SH3TC1: variants seen among roughly 807,000 people sequenced by gnomAD.
SH3TC1 encodes SH3 domain and tetratricopeptide repeat-containing protein 1.
In SH3TC1, 135 loss-of-function variants were observed where a neutral mutation model predicts 117.3. The ratio of observed to expected loss-of-function variants is 1.15; its 90% CI spans 1.00 to 1.33. The LOEUF (loss-of-function observed/expected upper bound fraction) is 1.33, where lower values mean the gene tolerates loss of function less well. Ranked by LOEUF, SH3TC1 falls within the 40% of genes most tolerant of loss-of-function variation. The probability of loss-of-function intolerance (pLI) is 0.00; values close to 1 mark genes in which losing one functional copy is unlikely to be tolerated. For synonymous variants in SH3TC1, 898 were observed against 816.9 expected, an observed-to-expected ratio of 1.10 and a Z score of -1.69; for missense variants, 2,092 against 1,794.3, an observed-to-expected ratio of 1.17 and a Z score of -3.00.
upstream of SH3TC1, among the ~76,000 whole-genome samples, chr4:8,194,300 G>C (rs945092713): frequency 2.6e-5 from 4 of 152,362 alleles, no homozygotes; most frequent in Admixed American, 6.5e-5. Context: ...CACAGGAACA[G>C]ATTTGGTAGC....
intron 5 of SH3TC1, 38 bp downstream of exon 5, chr4:8,214,618 G>C (rs181814721): frequency 1.3e-6 from 2 of 1,546,226 alleles, no homozygotes; most frequent in Non-Finnish European, 1.8e-6. Context: ...TCATGGGGAC[G>C]CCCGTCGGAA....
In SH3TC1 at chr4:8,232,090, A is replaced by G; in HGVS notation, c.3065A>G (p.Asp1022Gly). The G allele has an allele frequency of 2.5e-6, 4 of 1,612,774 alleles. No individual in the cohort carries two copies. The highest frequency in any genetic ancestry group is 1.7e-5 in the Admixed American group (1 of 59,994). The change falls in exon 13 of 18, where the codon GAC (aspartate) becomes GGC (glycine). Residue 1022 changes from aspartate (D) to glycine (G), a missense_variant. By Grantham distance (94) the Asp-to-Gly change is moderately conservative. Coordinates refer to ENST00000245105, the MANE Select transcript of SH3TC1 (RefSeq NM_018986.5). ...LQLSLACKVA[D>G]KVLEGQLLET... ...CTCTCCCTGGCCTGCAAGGTGGCCGACAAGGTGCTGGAGGGGCAGCTCCTG... is the reference window on the plus strand; with the variant it reads ...CTCTCCCTGGCCTGCAAGGTGGCCGGCAAGGTGCTGGAGGGGCAGCTCCTG...
rs1348201855 is a variant in SH3TC1 at position 8,235,538 on chromosome 4, G to A, written c.3388G>A (p.Ala1130Thr). The change falls in exon 15 of 18, where the codon GCT becomes ACT. Residue 1130 changes from alanine (A) to threonine (T), a missense_variant. Physicochemically the swap from Ala to Thr is moderately conservative, Grantham distance 58. Coordinates refer to ENST00000245105, the MANE Select transcript of SH3TC1 (RefSeq NM_018986.5). ...FFDGAWEREK[A>T]VSFYRDRALP... ...CGACGGGGCCTGGGAGCGGGAGAAA[G>A]CTGTGTCCTTCTACCGGGTGAGCTG... is the stretch of plus-strand genomic sequence containing the variant. The A allele has an allele frequency of 1.1e-5, 17 of 1,602,818 alleles. No individual in the cohort carries two copies. Among genetic ancestry groups the A allele is most frequent in the Non-Finnish European group, 1.4e-5 (16 of 1,174,194 alleles).
intron 15 of SH3TC1, 94 bp from the exon 16 acceptor site, chr4:8,236,184 C>T (rs1420977555): frequency 6.5e-6 from 9 of 1,394,068 alleles, no homozygotes; most frequent in Non-Finnish European, 7.6e-6. Context: ...GTAGCTGGGG[C>T]GTGGGAAGCT....
At chr4:8,229,841 C>T (rs544933043) in intron 12 of SH3TC1, among the ~76,000 whole-genome samples, 29 of 152,196 alleles carry the variant, frequency 1.9e-4, no homozygotes, top group Admixed American at 1.4e-3. Context: ...GCACCTCCTA[C>T]GAGGCCCTCC....
At chr4:8,207,215 C>T (rs1265147421) in intron 2 of SH3TC1, among the ~76,000 whole-genome samples, 3 of 152,102 alleles carry the variant, frequency 2.0e-5, no homozygotes, top group African/African-American at 4.8e-5. Context: ...TCCCTCGATT[C>T]GAGTGCAGCT....
chr4:8,215,737 G>A (rs549349984), intron 5 of SH3TC1, among the ~76,000 whole-genome samples: 9 of 152,316 alleles, frequency 5.9e-5, no homozygotes, highest in East Asian at 1.9e-4. Context: ...CTCATGATGC[G>A]GGGCGGGGCT....
At chr4:8,232,358 C>T (rs1721313723) in intron 13 of SH3TC1, 1 of 1,578,712 alleles carries the variant, frequency 6.3e-7, no homozygotes, top group African/African-American at 1.3e-5. Context: ...CTTGAGCTTC[C>T]CTTGTTGGGT....
intron 10 of SH3TC1, 109 bp downstream of exon 10, chr4:8,223,079 G>A: frequency 1.4e-6 from 2 of 1,440,296 alleles, no homozygotes; most frequent in Non-Finnish European, 1.9e-6. Flanking sequence ...GATGCTGAAA[G>A]GTGAACAGAC....
At chr4:8,213,938 T>A (rs1263932072) in intron 4 of SH3TC1, among the ~76,000 whole-genome samples, 2 of 151,206 alleles carry the variant, frequency 1.3e-5, no homozygotes, top group East Asian at 1.9e-4. Flanking sequence ...GTCTCTGAAA[T>A]GGAGACTCTA....
rs769049073 is a variant in SH3TC1 at position 8,209,767 on chromosome 4, C to A, written c.192C>A (p.Arg64=). 3 of 1,613,580 alleles carry A rather than the reference C, an allele frequency of 1.9e-6. No homozygotes were observed. The highest frequency in any genetic ancestry group is 2.7e-5 in the African/African-American group (2 of 74,904). Residue 64 remains arginine, a synonymous_variant, in exon 3 of 18, where the codon CGC becomes CGA. Transcript: ENST00000245105. The surrounding 1 kb of genome is among the most constrained non-coding windows in gnomAD (Gnocchi z 5.9). ...TTGCAGACGAGGCTCCTCCTGCCCG[C>A]GTGGCTGGGCCTGCTGCTGGGACCC... The part of the protein sequence containing the change: ...PVRGDEAPPA[R]VAGPAAGTPP...
rs938237322 is a variant in SH3TC1 at position 8,190,499 on chromosome 4, C to T, written c.-57+8289C>T. Among the ~76,000 whole-genome samples, 3 of 152,236 alleles carry T rather than the reference C, an allele frequency of 2.0e-5. No individual in the cohort carries two copies. The highest frequency in any genetic ancestry group is 1.9e-4 in the East Asian group (1 of 5,172). On this transcript the variant is annotated intron_variant, in intron 1 of 16. Coordinates refer to the SH3TC1 transcript ENST00000508641. This position sits in a 1 kb window ranked among gnomAD's most constrained non-coding sequence, Gnocchi z 4.7. ...TCTGTAAGCTGGGATCTGATGTCCC[C>T]GGGCTCTTGGGAGAATGGCAGCCTT...
At chr4:8,234,751 G>T (rs1010219702) in intron 14 of SH3TC1, among the ~76,000 whole-genome samples, 1 of 152,230 alleles carries the variant, frequency 6.6e-6, no homozygotes, top group East Asian at 1.9e-4. Flanking sequence ...CCTGAGGGCA[G>T]AGGCACAGCC....
chr4:8,222,045 CCTCT>C (rs1188367602), intron 9 of SH3TC1, among the ~76,000 whole-genome samples: 3 of 152,060 alleles, frequency 2.0e-5, no homozygotes, highest in Non-Finnish European at 4.4e-5. Flanking sequence ...CCCCTCTCTC[CCTCT>C]CTCTCTGTTT....
intron 1 of SH3TC1, among the ~76,000 whole-genome samples, chr4:8,200,709 G>A (rs1039504665): frequency 2.0e-5 from 3 of 152,204 alleles, no homozygotes; most frequent in African/African-American, 7.2e-5. Flanking sequence ...GTGTTCTCTC[G>A]CGGCTCTGGA....
intron 7 of SH3TC1, 92 bp downstream of exon 7, chr4:8,217,259 A>T: frequency 1.3e-6 from 2 of 1,495,638 alleles, no homozygotes; most frequent in Non-Finnish European, 1.8e-6. Flanking sequence ...TGGACAGGGA[A>T]TGGTGGGGGC....
intron 4 of SH3TC1, chr4:8,213,167 G>A: frequency 3.6e-6 from 1 of 274,050 alleles, no homozygotes; most frequent in Non-Finnish European, 6.9e-6. Flanking sequence ...TGTGAAGTTA[G>A]TCTTATTTTT....
chr4:8,199,568 G>T (rs946668728), intron 1 of SH3TC1, among the ~76,000 whole-genome samples, 163 bp downstream of exon 1: 4 of 152,200 alleles, frequency 2.6e-5, no homozygotes, highest in Admixed American at 2.0e-4. Flanking sequence ...GGAGGTCGTC[G>T]GCACCCTCAG....
At position 8,218,597 on chromosome 4, in the gene SH3TC1, A is replaced by C. The variant is rs568724481; in HGVS notation, c.916+250A>C. Among the ~76,000 whole-genome samples the C allele has an allele frequency of 1.5e-4, 23 of 152,314 alleles. 1 individual carries two copies. Among genetic ancestry groups the C allele is most frequent in the Middle Eastern group, 3.4e-3 (1 of 294 alleles). On this transcript the variant is annotated intron_variant, in intron 8 of 17. Coordinates refer to ENST00000245105, the MANE Select transcript of SH3TC1 (RefSeq NM_018986.5). ...AAGCTCTGGGGGCTGGTGCAGCGTC[A>C]TAGGATGCTCAGTGAAGCTGCACCA...
Sources: gnomAD v4.1 joint callset for allele counts (sites outside exome capture counted in the v4.1 genomes callset) on GRCh38, gnomAD v4.1.1 for gene constraint, Gnocchi (gnomAD v3.1) non-coding constraint, MANE v1.5 for transcripts, NCBI Gene and HGNC (gene_info 2026-07-23, HGNC 2026-07-21) for gene names.